Variants in CHLSN observed in about 807,000 individuals in gnomAD.
CHLSN encodes cholesin, also known as protein cholesin.
At chr7:1,118,888 T>C in the CHLSN span, among the ~76,000 whole-genome samples, 1 of 149,342 alleles carries the variant, frequency 6.7e-6, no homozygotes, top group South Asian at 2.1e-4. Flanking sequence ...TATTAAACAG[T>C]GTGGTAAAGA....
chr7:1,038,804 C>T, the CHLSN span, among the ~76,000 whole-genome samples: 2 of 47,726 alleles, frequency 4.2e-5, no homozygotes, highest in African/African-American at 9.5e-5. Flanking sequence ...CCCCTCTGCC[C>T]GGCCAGCCGC....
At chr7:1,033,368 A>G in the CHLSN span, among the ~76,000 whole-genome samples, 1 of 152,056 alleles carries the variant, frequency 6.6e-6, no homozygotes, top group Non-Finnish European at 1.5e-5. Context: ...GACCAGCCTG[A>G]CCAACACGGA....
the CHLSN span, among the ~76,000 whole-genome samples, chr7:1,030,018 G>A: frequency 5.3e-5 from 8 of 152,278 alleles, no homozygotes; most frequent in East Asian, 5.8e-4. Context: ...ACTGGTGTCC[G>A]CACCCCGCTT....
the CHLSN span, among the ~76,000 whole-genome samples, chr7:1,002,302 G>A: frequency 7.9e-6 from 1 of 127,070 alleles, no homozygotes; most frequent in Non-Finnish European, 1.7e-5. Flanking sequence ...TGTGGGTGGG[G>A]AGTCCTGTGG....
the CHLSN span, among the ~76,000 whole-genome samples, chr7:1,034,856 TCTC>T: frequency 6.6e-6 from 1 of 151,692 alleles, no homozygotes; most frequent in Non-Finnish European, 1.5e-5. Context: ...GCTCATGAGT[TCTC>T]ATCATTCAGC....
the CHLSN span, among the ~76,000 whole-genome samples, chr7:1,116,807 A>G: frequency 3.2e-5 from 1 of 31,592 alleles, no homozygotes; most frequent in Admixed American, 3.7e-4. Context: ...ATCACTACAG[A>G]TCTAGGGACC....
the CHLSN span, among the ~76,000 whole-genome samples, chr7:1,132,830 G>A: frequency 2.6e-5 from 4 of 151,852 alleles, no homozygotes; most frequent in Admixed American, 1.3e-4. Flanking sequence ...CAAATAACCC[G>A]GTTTTTAAAT....
the CHLSN span, among the ~76,000 whole-genome samples, chr7:1,079,928 T>G: frequency 2.0e-5 from 3 of 151,496 alleles, no homozygotes; most frequent in Non-Finnish European, 2.9e-5. Flanking sequence ...CTTTGGGGAG[T>G]TCCCCCAGGC....
At chr7:1,002,185 C>G in the CHLSN span, among the ~76,000 whole-genome samples, 37 of 104,286 alleles carry the variant, frequency 3.5e-4, no homozygotes, top group Non-Finnish European at 6.4e-4. Context: ...GTGGGGAGTC[C>G]TGTGGGTGGG....
chr7:1,023,990 G>A, the CHLSN span, among the ~76,000 whole-genome samples: 1 of 152,190 alleles, frequency 6.6e-6, no homozygotes, highest in Non-Finnish European at 1.5e-5. This position sits in a 1 kb window ranked among gnomAD's most constrained non-coding sequence, Gnocchi z 5.0. Flanking sequence ...ATAGGCATGT[G>A]CCACCATGCC....
At chr7:1,045,255 G>A in the CHLSN span, 3 of 152,218 alleles carry the variant, frequency 2.0e-5, no homozygotes, top group Admixed American at 6.5e-5. Context: ...TATGAATCTT[G>A]ATGTGACTGG....
At chr7:1,101,411 G>C in the CHLSN span, among the ~76,000 whole-genome samples, 1 of 152,234 alleles carries the variant, frequency 6.6e-6, no homozygotes, top group African/African-American at 2.4e-5. Flanking sequence ...CTCAGAGCAG[G>C]CGCGTGCGGC....
the CHLSN span, among the ~76,000 whole-genome samples, chr7:1,037,649 G>A: frequency 1.4e-5 from 2 of 138,796 alleles, no homozygotes; most frequent in African/African-American, 5.1e-5. Flanking sequence ...CGAGATTGCA[G>A]CCTCTGCCCG....
the CHLSN span, among the ~76,000 whole-genome samples, chr7:1,041,354 G>C: frequency 4.8e-3 from 391 of 80,814 alleles, 19 homozygotes; most frequent in Non-Finnish European, 6.1e-3. Context: ...CTGCGGGGAA[G>C]GGGGCCTGGG....
the CHLSN span, among the ~76,000 whole-genome samples, chr7:1,075,779 A>G: frequency 6.6e-6 from 1 of 151,376 alleles, no homozygotes; most frequent in Admixed American, 6.6e-5. Context: ...CTCCCAGCTA[A>G]TTTTTTGTAT....
chr7:1,016,667 AGCAGCACACG>A, the CHLSN span, among the ~76,000 whole-genome samples: 1 of 107,082 alleles, frequency 9.3e-6, no homozygotes, highest in East Asian at 2.4e-4. Flanking sequence ...AGCAGCGCAC[AGCAGCACACG>A]CCAGGGCACA....
At chr7:1,127,492 A>AG in the CHLSN span, 1 of 1,112,862 alleles carries the variant, frequency 9.0e-7, no homozygotes, top group Non-Finnish European at 1.2e-6. Flanking sequence ...AAAAAAAAAA[A>AG]AGAGTATTAT....
At chr7:1,104,824 T>C in the CHLSN span, among the ~76,000 whole-genome samples, 6 of 152,250 alleles carry the variant, frequency 3.9e-5, no homozygotes, top group African/African-American at 1.4e-4. Context: ...ATTCTGGTAC[T>C]TTAGACCCAA....
chr7:1,002,770 T>TG, the CHLSN span, among the ~76,000 whole-genome samples: 13 of 65,600 alleles, frequency 2.0e-4, no homozygotes, highest in Admixed American at 3.2e-4. Flanking sequence ...TGGGGAGTCC[T>TG]TGGGTGAGTG....
Sources: gnomAD v4.1 joint callset for allele counts (sites outside exome capture counted in the v4.1 genomes callset) on GRCh38, gnomAD v4.1.1 for gene constraint, Gnocchi (gnomAD v3.1) non-coding constraint, MANE v1.5 for transcripts, NCBI Gene and HGNC (gene_info 2026-07-23, HGNC 2026-07-21) for gene names.